The following MARCHF6 variants were observed in gnomAD, a reference collection of about 807,000 sequenced individuals.
MARCHF6 encodes the protein E3 ubiquitin-protein ligase MARCHF6.
A neutral mutation model predicts 133.7 loss-of-function variants in MARCHF6; 31 were observed. The observed-to-expected ratio is 0.23, with a 90% CI of 0.17 to 0.31. The LOEUF (loss-of-function observed/expected upper bound fraction) is 0.31. Ranked by LOEUF, MARCHF6 falls within the 10% of genes least tolerant of loss-of-function variation. MARCHF6 has a pLI of 1.00. For synonymous variants in MARCHF6, 395 were observed against 402.5 expected, an observed-to-expected ratio of 0.98 and a Z score of 0.22; for missense variants, 723 against 1,121.6, an observed-to-expected ratio of 0.64 and a Z score of 5.08.
intron 1 of MARCHF6, among the ~76,000 whole-genome samples, chr5:10,361,080 G>A (rs777012316): frequency 1.3e-4 from 20 of 152,226 alleles, no homozygotes; most frequent in South Asian, 2.1e-4. Context: ...CTATATTTTA[G>A]AATGCTGTTG....
At position 10,353,792 on chromosome 5, in the gene MARCHF6, A is replaced by G; in HGVS notation, c.-107A>G. 1 of 947,204 alleles carries G rather than the reference A, an allele frequency of 1.1e-6. No homozygotes were observed. The highest frequency in any genetic ancestry group is 1.6e-6 in the Non-Finnish European group (1 of 634,696). 58.7% of individuals were successfully genotyped at this position (947,204 alleles called of 1,614,324 possible). A position where few individuals can be genotyped will look rare whatever the true frequency, so the allele number is the denominator to read the frequency against. On this transcript the variant is annotated 5_prime_UTR_variant, in exon 1 of 26. Transcript: ENST00000274140. ...CCTCTCGCTTCCTCTCTCGCACCTGAGCGTACGCACCTGCCCGGGCCCGGC... is the reference window on the plus strand; with the variant it reads ...CCTCTCGCTTCCTCTCTCGCACCTGGGCGTACGCACCTGCCCGGGCCCGGC...
rs1283204324 is a variant in MARCHF6 at position 10,434,333 on chromosome 5, A to AT, written c.*650dup. The stretch of plus-strand genomic sequence containing the variant: ...CATGTGTCTGTGTTTGTAATATTGT[A>AT]TAGTATCTTGTGCTAGGTGAGGAAA... On this transcript the variant is annotated 3_prime_UTR_variant, in exon 26 of 26. Coordinates refer to ENST00000274140, the MANE Select transcript of MARCHF6 (RefSeq NM_005885.4). The AT allele has an allele frequency of 6.5e-6, 1 of 152,758 alleles. No individual in the cohort carries two copies. The highest frequency in any genetic ancestry group is 1.5e-5 in the Non-Finnish European group (1 of 68,200). The allele number at this position is 152,758 out of a possible 1,614,324, so 9.5% of individuals were successfully genotyped here.
chr5:10,416,040 T>C (rs909439094), intron 21 of MARCHF6, among the ~76,000 whole-genome samples: 1 of 152,180 alleles, frequency 6.6e-6, no homozygotes, highest in African/African-American at 2.4e-5. Flanking sequence ...AATATATTTT[T>C]ACTGGATCAT....
Position 10,391,723 on chromosome 5 carries a change from G to A in MARCHF6, c.758G>A (p.Gly253Glu). The change falls in exon 7 of 26, where the codon GGA becomes GAA. Residue 253 changes from glycine to glutamate, a missense_variant. Transcript: ENST00000274140. ...GVEDAADANN[G>E]AQDDMNWNAL... ...GAGGATGCGGCAGATGCTAATAACG[G>A]AGCCCAGGGTAATGGCTGCTTGTGT... The A allele has an allele frequency of 6.4e-7, 1 of 1,554,768 alleles. No homozygotes were observed. Among genetic ancestry groups the A allele is most frequent in the Non-Finnish European group, 8.7e-7 (1 of 1,149,914 alleles).
intron 24 of MARCHF6, among the ~76,000 whole-genome samples, chr5:10,428,881 G>A (rs1740227348): frequency 6.6e-6 from 1 of 152,158 alleles, no homozygotes; most frequent in African/African-American, 2.4e-5. Context: ...CTTTGGAAGG[G>A]AAAAAGAGTG....
rs778773205 is a variant in MARCHF6 at position 10,405,679 on chromosome 5, TAAG to T, written c.1452+7_1452+9del. 13 of 1,580,586 alleles carry T rather than the reference TAAG, an allele frequency of 8.2e-6. No homozygotes were observed. In the South Asian group the frequency reaches 1.4e-4, roughly 17 times the overall value. ...CTCCGAAGATTTATTTTGTCAGTGG[TAAG>T]AAGATGTTTCCATTGTTTTTTTTTT... is the stretch of plus-strand genomic sequence containing the variant. On this transcript the variant is annotated splice_donor_5th_base_variant and intron_variant, in intron 16 of 25. Coordinates refer to ENST00000274140, the MANE Select transcript of MARCHF6 (RefSeq NM_005885.4).
intron 1 of MARCHF6, among the ~76,000 whole-genome samples, chr5:10,376,063 TGG>T (rs1455851831): frequency 6.6e-6 from 1 of 152,074 alleles, no homozygotes; most frequent in African/African-American, 2.4e-5. Flanking sequence ...AGGATGTGGG[TGG>T]GGCCAGATAA....
rs541235734 is a variant in MARCHF6, at chr5:10,395,094, C to T, written c.861+309C>T. Reference sequence around the variant, plus strand: ...GATTACAGGCGTGAGCCACCGCGCCCGGCCAAAACTAATTCTTTCTAGTAA... The same window carrying T: ...GATTACAGGCGTGAGCCACCGCGCCTGGCCAAAACTAATTCTTTCTAGTAA... On this transcript the variant is annotated intron_variant, in intron 9 of 25. Coordinates refer to ENST00000274140, the MANE Select transcript of MARCHF6 (RefSeq NM_005885.4). Among the ~76,000 whole-genome samples the T allele has an allele frequency of 5.9e-5, 9 of 152,264 alleles. No individual in the cohort carries two copies. The South Asian group carries it at 1.2e-3, about 21-fold the overall frequency.
At chr5:10,388,311 C>G (rs1163288098) in intron 5 of MARCHF6, among the ~76,000 whole-genome samples, 3 of 152,078 alleles carry the variant, frequency 2.0e-5, no homozygotes, top group African/African-American at 7.2e-5. Context: ...CAGTTGTGAC[C>G]AAACTACTTT....
chr5:10,408,090 C>G (rs1173202958), intron 17 of MARCHF6, among the ~76,000 whole-genome samples: 1 of 151,992 alleles, frequency 6.6e-6, no homozygotes, highest in African/African-American at 2.4e-5. Context: ...TGGATTATTT[C>G]CTCAAGTTTA....
At chr5:10,432,255 A>T (rs1023336033) in intron 25 of MARCHF6, among the ~76,000 whole-genome samples, 2 of 152,132 alleles carry the variant, frequency 1.3e-5, no homozygotes, top group Admixed American at 1.3e-4. Flanking sequence ...GGCTGCATAC[A>T]CTTTCCCTTT....
intron 10 of MARCHF6, among the ~76,000 whole-genome samples, chr5:10,399,461 A>G (rs948124870): frequency 2.0e-5 from 3 of 152,062 alleles, no homozygotes; most frequent in Non-Finnish European, 4.4e-5. Context: ...TCCCCTGGTA[A>G]TCTACTGCGC....
intron 3 of MARCHF6, among the ~76,000 whole-genome samples, chr5:10,379,621 T>C (rs1219249113): frequency 6.6e-6 from 1 of 151,966 alleles, no homozygotes; most frequent in Non-Finnish European, 1.5e-5. Flanking sequence ...CCACCACACC[T>C]GGCTAATTTT....
intron 7 of MARCHF6, among the ~76,000 whole-genome samples, chr5:10,393,297 A>G (rs918353866): frequency 6.7e-6 from 1 of 150,350 alleles, no homozygotes; most frequent in Non-Finnish European, 1.5e-5. Context: ...CTGGTCTTGA[A>G]CTCCTGGGCT....
At chr5:10,382,198 A>G (rs1197601150) in intron 4 of MARCHF6, among the ~76,000 whole-genome samples, 1 of 152,224 alleles carries the variant, frequency 6.6e-6, no homozygotes, top group Non-Finnish European at 1.5e-5. Context: ...GAAAGCGTTG[A>G]AAAAATCAAA....
intron 16 of MARCHF6, among the ~76,000 whole-genome samples, chr5:10,405,972 A>G (rs976818598): frequency 1.3e-5 from 2 of 152,110 alleles, no homozygotes; most frequent in African/African-American, 4.8e-5. Context: ...CCCGTTAGGA[A>G]TGGCCGCACA....
intron 18 of MARCHF6, 102 bp from the exon 19 acceptor site, chr5:10,411,231 C>T: frequency 1.1e-6 from 1 of 907,130 alleles, no homozygotes; most frequent in Non-Finnish European, 1.8e-6. Context: ...CTGTATTATA[C>T]ATTTTCTACC....
chr5:10,392,736 A>C (rs1380451763), intron 7 of MARCHF6, among the ~76,000 whole-genome samples: 2 of 151,290 alleles, frequency 1.3e-5, no homozygotes, highest in Admixed American at 6.6e-5. Flanking sequence ...CCTGGGTGAC[A>C]CAGCAAGATT....
At chr5:10,390,835 A>C (rs1054917581) in intron 6 of MARCHF6, among the ~76,000 whole-genome samples, 1 of 152,194 alleles carries the variant, frequency 6.6e-6, no homozygotes, top group Admixed American at 6.5e-5. Context: ...ATGTATGTAC[A>C]TTTTTTTAAA....
Sources: gnomAD v4.1 joint callset for allele counts (sites outside exome capture counted in the v4.1 genomes callset) on GRCh38, gnomAD v4.1.1 for gene constraint, MANE v1.5 for transcripts, NCBI Gene and HGNC (gene_info 2026-07-23, HGNC 2026-07-21) for gene names.